OSTN: variants seen among roughly 807,000 people sequenced by gnomAD.
OSTN encodes osteocrin.
OSTN carries 9 observed loss-of-function variants against 12.0 expected under a neutral mutation model. The ratio of observed to expected loss-of-function variants is 0.75; its 90% CI spans 0.45 to 1.30. The LOEUF (loss-of-function observed/expected upper bound fraction) is 1.30, where lower values mean the gene tolerates loss of function less well. OSTN is among the 50% of genes most tolerant of loss of function. The pLI is 0.00. For synonymous variants in OSTN, 59 were observed against 56.9 expected (o/e 1.04, Z -0.16); for missense variants, 148 against 152.3 (o/e 0.97, Z 0.15).
intron 3 of OSTN, among the ~76,000 whole-genome samples, chr3:191,222,836 C>T (rs1195967522): frequency 6.6e-6 from 1 of 151,996 alleles, no homozygotes; most frequent in African/African-American, 2.4e-5. Context: ...CTGCTGTTCT[C>T]ATGAGAGTGA....
rs142035615 is a variant in OSTN, at chr3:191,241,661, GA to G, written c.318-8369del. On this transcript the variant is annotated intron_variant, in intron 3 of 4. Transcript: ENST00000682035. Reference sequence around the variant, plus strand: ...AGTTATTGTATCCAACAAATGGAAGGAAAAAAAGTTTTAATGACACCCGAAA... The same window carrying G: ...AGTTATTGTATCCAACAAATGGAAGGAAAAAAGTTTTAATGACACCCGAAA... 4.3e-3 allele frequency among the ~76,000 whole-genome samples: 654 copies of G among 152,078 alleles called. 5 individuals are homozygous for G. The highest frequency in any genetic ancestry group is 0.015 in the African/African-American group (617 of 41,508).
chr3:191,253,428 G>A (rs1191366348), intron 4 of OSTN, among the ~76,000 whole-genome samples: 5 of 152,180 alleles, frequency 3.3e-5, no homozygotes, highest in African/African-American at 7.2e-5. Flanking sequence ...GGATACATAC[G>A]AGAAAAGTCA....
chr3:191,253,964 G>T (rs150576245), intron 4 of OSTN, among the ~76,000 whole-genome samples: 1 of 152,312 alleles, frequency 6.6e-6, no homozygotes, highest in Admixed American at 6.5e-5. Flanking sequence ...GAGAGATTTG[G>T]ATTAGAGGTT....
At chr3:191,237,959 G>C (rs1225975290) in intron 3 of OSTN, among the ~76,000 whole-genome samples, 1 of 152,174 alleles carries the variant, frequency 6.6e-6, no homozygotes, top group East Asian at 1.9e-4. Context: ...CAATTTGTCA[G>C]ATATGATTGC....
intron 2 of OSTN, among the ~76,000 whole-genome samples, chr3:191,215,410 A>G (rs1461533105): frequency 6.6e-6 from 1 of 152,156 alleles, no homozygotes; most frequent in Non-Finnish European, 1.5e-5. Flanking sequence ...TTCAAAACAC[A>G]ATCATGCCTT....
At chr3:191,242,974 A>G (rs1048242514) in intron 3 of OSTN, among the ~76,000 whole-genome samples, 1 of 152,134 alleles carries the variant, frequency 6.6e-6, no homozygotes, top group African/African-American at 2.4e-5. Context: ...AAAGAAAAAA[A>G]AAACATTAGA....
chr3:191,228,606 T>C (rs1226903991), intron 3 of OSTN: 1 of 152,202 alleles, frequency 6.6e-6, no homozygotes, highest in East Asian at 1.9e-4. Flanking sequence ...TTCTTCCCAG[T>C]AGAATGCATT....
chr3:191,252,471 C>A (rs1715581497), intron 4 of OSTN, among the ~76,000 whole-genome samples: 2 of 152,122 alleles, frequency 1.3e-5, no homozygotes, highest in Non-Finnish European at 2.9e-5. Flanking sequence ...GGGTGAAATC[C>A]AAATTTGTAT....
At chr3:191,258,137 G>C (rs892363905) in intron 4 of OSTN, among the ~76,000 whole-genome samples, 1 of 152,172 alleles carries the variant, frequency 6.6e-6, no homozygotes, top group Non-Finnish European at 1.5e-5. Flanking sequence ...AAAGCACAGA[G>C]AGAATTTGAT....
rs531309012 is a variant in OSTN, at chr3:191,241,263, C to G, written c.318-8774C>G. Among the ~76,000 whole-genome samples the G allele has an allele frequency of 6.7e-5, 9 of 135,164 alleles. 2 individuals are homozygous for G. Among genetic ancestry groups the G allele is most frequent in the African/African-American group, 2.1e-4 (8 of 38,242 alleles). 88.7% of individuals were successfully genotyped at this position (135,164 alleles called of 152,430 possible). A position where few individuals can be genotyped will look rare whatever the true frequency, so the allele number is the denominator to read the frequency against. ...GCGCGATCTCGGCTTACTGCAAGTT[C>G]CGCCTCCCGGGTTCACGCCATTCTC... On this transcript the variant is annotated intron_variant, in intron 3 of 4. Coordinates refer to ENST00000682035, the MANE Select transcript of OSTN (RefSeq NM_198184.2).
chr3:191,246,615 AAAG>A (rs1553822120), intron 3 of OSTN, among the ~76,000 whole-genome samples: 2 of 150,314 alleles, frequency 1.3e-5, no homozygotes, highest in Non-Finnish European at 3.0e-5. Context: ...AAAAAAAAAA[AAAG>A]AAAGAAAGAA....
intron 1 of OSTN, among the ~76,000 whole-genome samples, chr3:191,207,230 G>A (rs954372493): frequency 2.6e-5 from 4 of 152,096 alleles, no homozygotes; most frequent in African/African-American, 9.7e-5. Context: ...GCCAATCAAG[G>A]TATTAGGGTA....
At chr3:191,250,419 C>T (rs989815818) in intron 4 of OSTN, among the ~76,000 whole-genome samples, 1 of 152,126 alleles carries the variant, frequency 6.6e-6, no homozygotes, top group Non-Finnish European at 1.5e-5. Flanking sequence ...TTAATATGCA[C>T]ACAAGGGTTA....
chr3:191,230,941 G>T (rs1203927643), intron 3 of OSTN, among the ~76,000 whole-genome samples: 1 of 152,164 alleles, frequency 6.6e-6, no homozygotes, highest in Non-Finnish European at 1.5e-5. Flanking sequence ...GTGTTAAGGA[G>T]CATGAGGCAT....
At chr3:191,244,866 T>C (rs1715395496) in intron 3 of OSTN, among the ~76,000 whole-genome samples, 1 of 151,932 alleles carries the variant, frequency 6.6e-6, no homozygotes, top group Non-Finnish European at 1.5e-5. Context: ...TTGCAACCAA[T>C]CCACAATTTG....
intron 3 of OSTN, among the ~76,000 whole-genome samples, chr3:191,249,318 GCAAAT>G (rs1715507208): frequency 6.6e-6 from 1 of 152,096 alleles, no homozygotes; most frequent in Non-Finnish European, 1.5e-5. Context: ...GATAATATTA[GCAAAT>G]CAAATTGAAA....
intron 1 of OSTN, among the ~76,000 whole-genome samples, chr3:191,201,522 G>C: frequency 6.6e-6 from 1 of 152,138 alleles, no homozygotes; most frequent in East Asian, 1.9e-4. Context: ...CACAATTAGA[G>C]CTAGAAGAAT....
At chr3:191,225,157 AGAACTT>A (rs1429284218) in intron 3 of OSTN, among the ~76,000 whole-genome samples, 3 of 152,278 alleles carry the variant, frequency 2.0e-5, no homozygotes, top group African/African-American at 7.2e-5. Context: ...TTACAAAAGA[AGAACTT>A]GAAAAATAGG....
intron 2 of OSTN, among the ~76,000 whole-genome samples, chr3:191,213,994 G>A (rs1714534354): frequency 6.6e-6 from 1 of 152,046 alleles, no homozygotes; most frequent in South Asian, 2.1e-4. Flanking sequence ...TAAGATCTGA[G>A]GAATAGTTTG....
Sources: allele counts gnomAD v4.1 joint callset (sites outside exome capture counted in the v4.1 genomes callset), GRCh38; gene constraint gnomAD v4.1.1; transcripts MANE v1.5; gene names NCBI Gene and HGNC (gene_info 2026-07-23, HGNC 2026-07-21).